Variants in TAF5L observed in about 807,000 individuals in gnomAD.
TAF5L encodes TAF5-like RNA polymerase II p300/CBP-associated factor-associated factor 65 kDa subunit 5L.
Under a neutral mutation model 51.3 loss-of-function variants are expected in TAF5L, and 7 were observed. That is an observed-to-expected ratio of 0.14 (90% confidence interval 0.08 to 0.26). The LOEUF (loss-of-function observed/expected upper bound fraction) is 0.26, where lower values mean the gene tolerates loss of function less well. TAF5L is among the 10% of genes least tolerant of loss of function. The pLI, the probability that TAF5L is intolerant of heterozygous loss-of-function variation, is 1.00. For missense variants in TAF5L, 575 were observed against 758.9 expected, an observed-to-expected ratio of 0.76 and a Z score of 2.85; for synonymous variants, 291 against 308.1, an observed-to-expected ratio of 0.94 and a Z score of 0.58.
At chr1:229,607,011 T>A (rs774553503) in intron 3 of TAF5L, 183 of 985,334 alleles carry the variant, frequency 1.9e-4, no homozygotes, top group South Asian at 7.0e-4. Context: ...TACATGTTCT[T>A]TATTACAAGT....
chr1:229,605,734 A>C (rs905339912), intron 3 of TAF5L, among the ~76,000 whole-genome samples: 4 of 152,198 alleles, frequency 2.6e-5, no homozygotes, highest in Non-Finnish European at 5.9e-5. Flanking sequence ...TTTAATAGAA[A>C]AAGACTTATC....
At chr1:229,615,206 G>T (rs1006223765) in intron 1 of TAF5L, among the ~76,000 whole-genome samples, 2 of 152,016 alleles carry the variant, frequency 1.3e-5, no homozygotes, top group Admixed American at 1.3e-4. Context: ...TCCTGTCTCA[G>T]CCTCCCAAGT....
intron 4 of TAF5L, among the ~76,000 whole-genome samples, chr1:229,598,761 C>T (rs983144920): frequency 3.3e-5 from 5 of 150,048 alleles, no homozygotes; most frequent in East Asian, 1.9e-4. Flanking sequence ...TGCAGTGGCG[C>T]GGTCTCAGCT....
intron 4 of TAF5L, chr1:229,601,162 C>A (rs1035676691): frequency 5.8e-5 from 57 of 985,026 alleles, no homozygotes; most frequent in Non-Finnish European, 6.5e-5. Context: ...TTGCAAGAAT[C>A]AAAAATTCAA....
Position 229,594,969 on chromosome 1 carries a change from G to A in TAF5L, c.1098C>T (p.Ile366=), listed in dbSNP as rs1664062383. ...TGAAACTCCCCAGATCCCAGTATCT[G>A]ATGGACATGTCTTCAGAACAAGAGA... is the stretch of plus-strand genomic sequence containing the variant. Residue 366 remains isoleucine (I), a synonymous_variant, in exon 5 of 5, where the codon ATC becomes ATT. Transcript: ENST00000258281. This position sits in a 1 kb window ranked among gnomAD's most constrained non-coding sequence, Gnocchi z 7.9. The A allele has an allele frequency of 6.2e-7, 1 of 1,614,098 alleles. No homozygotes were observed. The highest frequency in any genetic ancestry group is 1.7e-5 in the Admixed American group (1 of 60,006).
At chr1:229,623,845 G>A (rs1181088138) in intron 1 of TAF5L, among the ~76,000 whole-genome samples, 3 of 152,184 alleles carry the variant, frequency 2.0e-5, no homozygotes, top group Non-Finnish European at 4.4e-5. Context: ...TGGCTGAAGG[G>A]TCTGAGCTCT....
intron 4 of TAF5L, among the ~76,000 whole-genome samples, chr1:229,597,952 C>A (rs549200496): frequency 6.6e-6 from 1 of 152,260 alleles, no homozygotes; most frequent in South Asian, 2.1e-4. Context: ...GACCAGGGGT[C>A]CTTTCTTGGG....
At chr1:229,620,689 A>T (rs1665169231) in intron 1 of TAF5L, among the ~76,000 whole-genome samples, 1 of 152,206 alleles carries the variant, frequency 6.6e-6, no homozygotes, top group South Asian at 2.1e-4. Context: ...GTTTTACAGC[A>T]CAGAAAAACT....
intron 1 of TAF5L, among the ~76,000 whole-genome samples, chr1:229,618,381 A>G (rs1362281314): frequency 1.3e-5 from 2 of 152,232 alleles, no homozygotes; most frequent in East Asian, 3.8e-4. Context: ...ATATCACATT[A>G]TTGATATTTC....
chr1:229,605,108 G>GTATGTGTATA (rs1553270421), intron 3 of TAF5L, among the ~76,000 whole-genome samples: 12 of 118,666 alleles, frequency 1.0e-4, no homozygotes, highest in African/African-American at 3.5e-4. Context: ...ATTTTTGTAT[G>GTATGTGTATA]TATATATATA....
intron 3 of TAF5L, among the ~76,000 whole-genome samples, chr1:229,604,843 G>GA (rs2102749088): frequency 6.6e-6 from 1 of 152,258 alleles, no homozygotes; most frequent in South Asian, 2.1e-4. Flanking sequence ...GTTTTGTTAC[G>GA]AATGTTTTGG....
At chr1:229,599,850 A>G in intron 4 of TAF5L, 10 of 985,450 alleles carry the variant, frequency 1.0e-5, no homozygotes, top group Non-Finnish European at 1.2e-5. Context: ...GAAATACTGT[A>G]TTCACTGATT....
At position 229,594,141 on chromosome 1, in the gene TAF5L, G is replaced by A; in HGVS notation, c.*156C>T. Reference sequence around the variant, plus strand: ...CCCCAACCTTGGCCTTCGACACTGGGGGGCTGAGTGAAGGGGGACCTGCCC... The same window carrying A: ...CCCCAACCTTGGCCTTCGACACTGGAGGGCTGAGTGAAGGGGGACCTGCCC... On this transcript the variant is annotated 3_prime_UTR_variant, in exon 5 of 5. Coordinates refer to ENST00000258281, the Ensembl canonical transcript of TAF5L. The surrounding 1 kb of genome is among the most constrained non-coding windows in gnomAD (Gnocchi z 7.9). The A allele has an allele frequency of 1.2e-6, 1 of 827,084 alleles. No individual in the cohort carries two copies. Among genetic ancestry groups the A allele is most frequent in the Non-Finnish European group, 1.9e-6 (1 of 532,992 alleles). The allele number at this position is 827,084 out of a possible 1,614,324, so 51.2% of individuals were successfully genotyped here.
intron 1 of TAF5L, among the ~76,000 whole-genome samples, chr1:229,614,804 G>A (rs1026392468): frequency 1.3e-5 from 2 of 152,194 alleles, no homozygotes; most frequent in Non-Finnish European, 2.9e-5. Flanking sequence ...TTTCATTAGA[G>A]AAGCTAACAA....
rs1328073041 is a variant in TAF5L, at chr1:229,602,016, G to A, written c.972+179C>T. 5 of 1,430,006 alleles carry A rather than the reference G, an allele frequency of 3.5e-6. No homozygotes were observed. The highest frequency in any genetic ancestry group is 3.7e-6 in the Non-Finnish European group (4 of 1,093,690). The allele number at this position is 1,430,006 out of a possible 1,614,324, so 88.6% of individuals were successfully genotyped here. On this transcript the variant is annotated intron_variant, in intron 4 of 4. Transcript: ENST00000258281. This position sits in a 1 kb window ranked among gnomAD's most constrained non-coding sequence, Gnocchi z 4.6. ...GTTAATGCTGCTAAAAATTGTTTTT[G>A]CATCTTAGGTTAGGCATGTGCAGGA...
At chr1:229,622,700 G>A (rs1665257823) in intron 1 of TAF5L, among the ~76,000 whole-genome samples, 1 of 152,186 alleles carries the variant, frequency 6.6e-6, no homozygotes, top group African/African-American at 2.4e-5. Context: ...AGCCTTGACT[G>A]AGCTCAAAGA....
intron 4 of TAF5L, chr1:229,600,900 A>T (rs1472317641): frequency 1.0e-6 from 1 of 985,310 alleles, no homozygotes; most frequent in Non-Finnish European, 1.2e-6. Context: ...ATCAAAGCTA[A>T]TAAGGTCAGT....
chr1:229,604,933 C>T (rs948080412), intron 3 of TAF5L, among the ~76,000 whole-genome samples: 6 of 152,070 alleles, frequency 3.9e-5, no homozygotes, highest in East Asian at 1.9e-4. Context: ...CATGGAACAT[C>T]GGATTACTGA....
chr1:229,608,693 G>A (rs1356979302), intron 3 of TAF5L, among the ~76,000 whole-genome samples: 1 of 152,154 alleles, frequency 6.6e-6, no homozygotes, highest in Admixed American at 6.5e-5. Flanking sequence ...TAGTGGTGGG[G>A]AAGCTGGTTT....
Sources: allele counts gnomAD v4.1 joint callset (sites outside exome capture counted in the v4.1 genomes callset), GRCh38; gene constraint gnomAD v4.1.1; non-coding constraint Gnocchi (gnomAD v3.1); transcripts MANE v1.5; gene names NCBI Gene and HGNC (gene_info 2026-07-23, HGNC 2026-07-21).